Variants in TRAPPC9 observed in about 807,000 individuals in gnomAD.
TRAPPC9 encodes IKK2 binding protein.
A neutral mutation model predicts 124.0 loss-of-function variants in TRAPPC9; 83 were observed. The observed-to-expected ratio is 0.67, with a 90% CI of 0.56 to 0.80. TRAPPC9 has a LOEUF of 0.80. TRAPPC9 is among the 30% of genes least tolerant of loss of function. The pLI, the probability that TRAPPC9 is intolerant of heterozygous loss-of-function variation, is 0.00. For missense variants in TRAPPC9, 1,302 were observed against 1,508.3 expected (o/e 0.86, Z 2.27); for synonymous variants, 638 against 617.5 (o/e 1.03, Z -0.49).
chr8:140,191,376 A>G (rs958036212), intron 17 of TRAPPC9, among the ~76,000 whole-genome samples: 1 of 152,160 alleles, frequency 6.6e-6, no homozygotes, highest in African/African-American at 2.4e-5. Flanking sequence ...ACCAAATCTC[A>G]CGTTGACATG....
intron 17 of TRAPPC9, among the ~76,000 whole-genome samples, chr8:140,149,934 C>A (rs2061519342): frequency 6.6e-6 from 1 of 152,160 alleles, no homozygotes; most frequent in Non-Finnish European, 1.5e-5. Flanking sequence ...ATTTAAATCC[C>A]ATAAGATTCA....
At chr8:140,124,387 C>A (rs932521995) in intron 17 of TRAPPC9, among the ~76,000 whole-genome samples, 1 of 152,192 alleles carries the variant, frequency 6.6e-6, no homozygotes, top group Non-Finnish European at 1.5e-5. Flanking sequence ...CCAGCCCTAC[C>A]TCCCTCTTGG....
At chr8:139,852,547 A>C (rs986605231) in intron 21 of TRAPPC9, among the ~76,000 whole-genome samples, 1 of 152,262 alleles carries the variant, frequency 6.6e-6, no homozygotes, top group African/African-American at 2.4e-5. Context: ...CCAAATGTAT[A>C]AAATGACAGA....
At chr8:139,947,907 T>TAGAGAG (rs59810983) in intron 19 of TRAPPC9, among the ~76,000 whole-genome samples, 6 of 60,360 alleles carry the variant, frequency 9.9e-5, no homozygotes, top group South Asian at 6.9e-4. Context: ...TATATATATA[T>TAGAGAG]AGAGAGAGAG....
chr8:140,408,420 C>T (rs938139548), intron 5 of TRAPPC9, among the ~76,000 whole-genome samples: 1 of 151,964 alleles, frequency 6.6e-6, no homozygotes, highest in African/African-American at 2.4e-5. Context: ...AACTGGAAAC[C>T]CAGACATACA....
At chr8:140,390,700 C>T (rs1231662526) in intron 7 of TRAPPC9, among the ~76,000 whole-genome samples, 1 of 152,180 alleles carries the variant, frequency 6.6e-6, no homozygotes, top group African/African-American at 2.4e-5. Flanking sequence ...AGAGAGATTT[C>T]CTTATATGCC....
At chr8:139,819,347 GTAA>G (rs1415668740) in intron 21 of TRAPPC9, among the ~76,000 whole-genome samples, 2 of 152,142 alleles carry the variant, frequency 1.3e-5, no homozygotes, top group Non-Finnish European at 2.9e-5. Context: ...ATATTACAGT[GTAA>G]TAATAGTAGA....
rs1201370360 is a variant in TRAPPC9, at chr8:140,300,461, C to A, written c.1768+8G>T. 1 of 1,614,106 alleles carries A rather than the reference C, an allele frequency of 6.2e-7. No individual in the cohort carries two copies. Among genetic ancestry groups the A allele is most frequent in the Non-Finnish European group, 8.5e-7 (1 of 1,179,964 alleles). On this transcript the variant is annotated splice_region_variant and intron_variant, in intron 11 of 22. Coordinates refer to ENST00000438773, the MANE Select transcript of TRAPPC9 (RefSeq NM_001160372.4). The stretch of plus-strand genomic sequence containing the variant: ...AGCACGGTGGGAAAGCCAGGATCGA[C>A]GTCCTACCTATTTTCTTGTTCCGCT...
At chr8:139,905,336 T>G (rs1831287497) in intron 20 of TRAPPC9, among the ~76,000 whole-genome samples, 2 of 152,266 alleles carry the variant, frequency 1.3e-5, no homozygotes, top group Non-Finnish European at 2.9e-5. Context: ...AAGAGACTTG[T>G]GAGCATGAGG....
Position 139,788,145 on chromosome 8 carries a change from C to A in TRAPPC9, c.3056-55943G>T, listed in dbSNP as rs1195841942. ...TCTGCTGGGGACAATGATGACAACA[C>A]CCTAAGTCCCACAGGACCGCCTCCC... is the stretch of plus-strand genomic sequence containing the variant. On this transcript the variant is annotated intron_variant, in intron 21 of 22. Transcript: ENST00000438773. The surrounding 1 kb of genome is among the most constrained non-coding windows in gnomAD (Gnocchi z 4.9). Among the ~76,000 whole-genome samples, 2 of 152,284 alleles carry A rather than the reference C, an allele frequency of 1.3e-5. No individual in the cohort carries two copies. The highest frequency in any genetic ancestry group is 3.9e-4 in the East Asian group (2 of 5,168).
At chr8:139,958,934 AGC>A (rs1835181772) in intron 19 of TRAPPC9, among the ~76,000 whole-genome samples, 4 of 151,236 alleles carry the variant, frequency 2.6e-5, no homozygotes, top group African/African-American at 7.3e-5. Context: ...CACACGGGGG[AGC>A]ACTGCATTCC....
chr8:139,847,703 T>C (rs114696218), intron 21 of TRAPPC9, among the ~76,000 whole-genome samples: 4 of 123,862 alleles, frequency 3.2e-5, no homozygotes, highest in African/African-American at 1.3e-4. Flanking sequence ...GCCCGGCCTG[T>C]GGATGGGCAT....
chr8:140,336,424 G>A (rs1380934364), intron 9 of TRAPPC9, among the ~76,000 whole-genome samples: 3 of 152,122 alleles, frequency 2.0e-5, no homozygotes, highest in Non-Finnish European at 4.4e-5. Context: ...GCAAAGAAAG[G>A]CAACACCAAA....
chr8:139,976,263 C>T (rs1022119644), intron 19 of TRAPPC9, among the ~76,000 whole-genome samples: 1 of 152,116 alleles, frequency 6.6e-6, no homozygotes, highest in Non-Finnish European at 1.5e-5. Context: ...TTTCACCTCA[C>T]ACCCGACACA....
In TRAPPC9 at chr8:140,063,744, T is replaced by C. The variant is rs1258240449; in HGVS notation, c.2557-39665A>G. ...TTTTGAGGAATTGCTCTGTGTTTCC[T>C]TAAGAGCGGGACTTGCGGGCGGGGT... On this transcript the variant is annotated intron_variant, in intron 17 of 22. Transcript: ENST00000438773. This position sits in a 1 kb window ranked among gnomAD's most constrained non-coding sequence, Gnocchi z 4.3. 6.6e-6 allele frequency among the ~76,000 whole-genome samples: 1 copy of C among 152,204 alleles called. No homozygotes were observed. Among genetic ancestry groups the C allele is most frequent in the Non-Finnish European group, 1.5e-5 (1 of 68,044 alleles).
chr8:139,808,305 CA>C (rs1824205862), intron 21 of TRAPPC9, among the ~76,000 whole-genome samples: 1 of 152,010 alleles, frequency 6.6e-6, no homozygotes, highest in Admixed American at 6.5e-5. Context: ...CTAAAAAGTA[CA>C]AAAAATTAGC....
chr8:140,391,388 A>T (rs1418116260), intron 7 of TRAPPC9, among the ~76,000 whole-genome samples: 2 of 152,226 alleles, frequency 1.3e-5, no homozygotes, highest in East Asian at 3.8e-4. Flanking sequence ...ACTTTCTCTT[A>T]CTGTCACTTG....
intron 19 of TRAPPC9, among the ~76,000 whole-genome samples, chr8:139,921,367 G>A (rs1832493030): frequency 6.6e-6 from 1 of 152,164 alleles, no homozygotes; most frequent in Non-Finnish European, 1.5e-5. Context: ...TCAGTGCATG[G>A]GGACATAAAA....
intron 21 of TRAPPC9, among the ~76,000 whole-genome samples, chr8:139,766,971 G>C (rs1820626176): frequency 6.6e-6 from 1 of 152,180 alleles, no homozygotes; most frequent in Admixed American, 6.5e-5. Flanking sequence ...CCACATGACT[G>C]TGAGCCCCTG....
Sources: allele counts gnomAD v4.1 joint callset (sites outside exome capture counted in the v4.1 genomes callset), GRCh38; gene constraint gnomAD v4.1.1; non-coding constraint Gnocchi (gnomAD v3.1); transcripts MANE v1.5; gene names NCBI Gene and HGNC (gene_info 2026-07-23, HGNC 2026-07-21).